Variants in PYROXD2 observed in about 807,000 individuals in gnomAD.
PYROXD2 encodes the protein pyridine nucleotide-disulphide oxidoreductase domain 2, also known as pyridine nucleotide-disulfide oxidoreductase domain-containing protein 2.
Under a neutral mutation model 71.1 loss-of-function variants are expected in PYROXD2, and 69 were observed. The observed-to-expected ratio is 0.97, with a 90% CI of 0.80 to 1.19. The LOEUF is 1.19. Ranked by LOEUF, PYROXD2 falls within the 50% of genes most tolerant of loss-of-function variation. The pLI, the probability that PYROXD2 is intolerant of heterozygous loss-of-function variation, is 0.00. For missense variants in PYROXD2, 745 were observed against 748.9 expected (o/e 0.99, Z 0.06); for synonymous variants, 287 against 302.7 (o/e 0.95, Z 0.54).
At chr10:98,395,029 G>C (rs975962959) in intron 8 of PYROXD2, among the ~76,000 whole-genome samples, 167 bp downstream of exon 8, 1 of 152,120 alleles carries the variant, frequency 6.6e-6, no homozygotes, top group Non-Finnish European at 1.5e-5. Flanking sequence ...CTCAGATGTT[G>C]CTCTGAGGGT....
rs11189593 is a variant in PYROXD2, at chr10:98,398,852, C to T, written c.471+1250G>A. Among the ~76,000 whole-genome samples, 602 of 152,276 alleles carry T rather than the reference C, an allele frequency of 4.0e-3. 2 individuals are homozygous for T. The highest frequency in any genetic ancestry group is 0.014 in the African/African-American group (561 of 41,552). ...GCACTTTTAAAAAAGCTAAGCTCCTCAGGCCGGGTGTGGTGGTTCATGCCT... is the reference window on the plus strand; with the variant it reads ...GCACTTTTAAAAAAGCTAAGCTCCTTAGGCCGGGTGTGGTGGTTCATGCCT... On this transcript the variant is annotated intron_variant, in intron 5 of 15. Coordinates refer to ENST00000370575, the MANE Select transcript of PYROXD2 (RefSeq NM_032709.3).
At chr10:98,405,786 C>G (rs1843578153) in intron 4 of PYROXD2, among the ~76,000 whole-genome samples, 1 of 152,212 alleles carries the variant, frequency 6.6e-6, no homozygotes, top group Non-Finnish European at 1.5e-5. Flanking sequence ...ACCAAGAGGC[C>G]TGAGCGCATC....
chr10:98,398,445 C>T (rs536955218), intron 5 of PYROXD2, among the ~76,000 whole-genome samples: 1 of 152,296 alleles, frequency 6.6e-6, no homozygotes, highest in South Asian at 2.1e-4. Context: ...TAGCCCTGGA[C>T]TTTGAATTTT....
chr10:98,390,304 T>C (rs1264784349), intron 12 of PYROXD2, among the ~76,000 whole-genome samples: 1 of 152,198 alleles, frequency 6.6e-6, no homozygotes, highest in Non-Finnish European at 1.5e-5. Context: ...TCCTTTGCTC[T>C]CCCAGAACAC....
chr10:98,402,547 C>T (rs564519725), intron 4 of PYROXD2, among the ~76,000 whole-genome samples: 14 of 152,292 alleles, frequency 9.2e-5, no homozygotes, highest in African/African-American at 2.4e-4. Flanking sequence ...ATTTGATTAG[C>T]ACACAGAATT....
chr10:98,385,548 G>A (rs766450950), intron 14 of PYROXD2, among the ~76,000 whole-genome samples: 2 of 152,202 alleles, frequency 1.3e-5, no homozygotes, highest in Non-Finnish European at 1.5e-5. Flanking sequence ...GGTGAGACCA[G>A]CCCCAGGCTG....
At position 98,383,833 on chromosome 10, in the gene PYROXD2, C is replaced by T. The variant is rs1842663824; in HGVS notation, c.1711G>A (p.Ala571Thr). Residue 571 changes from alanine (A) to threonine (T), a missense_variant, in exon 16 of 16, where the codon GCA (alanine) becomes ACA (threonine). Physicochemically the swap from Ala to Thr is moderately conservative, Grantham distance 58. Transcript: ENST00000370575. ...TTGAGGTCCCTAAAGGCCACATGTGCTGCATTTCGCCCAGCAGCTCCCATC... is the reference window on the plus strand; with the variant it reads ...TTGAGGTCCCTAAAGGCCACATGTGTTGCATTTCGCCCAGCAGCTCCCATC... ...GVMGAAGRNA[A>T]HVAFRDLKSM The T allele has an allele frequency of 1.2e-6, 2 of 1,614,046 alleles. No homozygotes were observed. The highest frequency in any genetic ancestry group is 2.7e-5 in the African/African-American group (2 of 74,986).
At chr10:98,390,900 C>A (rs1228802101) in intron 11 of PYROXD2, 110 bp downstream of exon 11, 2 of 1,352,478 alleles carry the variant, frequency 1.5e-6, no homozygotes, top group African/African-American at 2.9e-5. Context: ...GGGACACAGG[C>A]TGGAGGTCCG....
chr10:98,389,759 A>T (rs1261973753), intron 12 of PYROXD2, among the ~76,000 whole-genome samples: 2 of 152,132 alleles, frequency 1.3e-5, no homozygotes, highest in Non-Finnish European at 2.9e-5. Flanking sequence ...TTTTCTCCAC[A>T]GTGCTCATCA....
chr10:98,413,672 C>T (rs897952784), intron 1 of PYROXD2, among the ~76,000 whole-genome samples: 2 of 152,100 alleles, frequency 1.3e-5, no homozygotes, highest in African/African-American at 4.8e-5. Context: ...CGAGATTGCG[C>T]CGCTGCACTC....
rs763254974 is a variant in PYROXD2 at position 98,400,115 on chromosome 10, T to C, written c.458A>G (p.Gln153Arg). 5 of 1,613,372 alleles carry C rather than the reference T, an allele frequency of 3.1e-6. No homozygotes were observed. Among genetic ancestry groups the C allele is most frequent in the Admixed American group, 3.3e-5 (2 of 59,960 alleles). The change falls in exon 5 of 16, where the codon CAG becomes CGG. Residue 153 changes from glutamine to arginine, a missense_variant. Transcript: ENST00000370575. Reference protein sequence around the residue: ...ENQKQIAQFSQKDAQVFPKYE... With the variant: ...ENQKQIAQFSRKDAQVFPKYE... ...CGCCTTCCCTACCTGGGCATCCTTC[T>C]GGGAGAACTGGGCGATCTGCTTCTG...
At chr10:98,412,631 G>C (rs757040667) in intron 1 of PYROXD2, among the ~76,000 whole-genome samples, 3 of 152,220 alleles carry the variant, frequency 2.0e-5, no homozygotes, top group Non-Finnish European at 4.4e-5. Context: ...CCAGGTGCCA[G>C]TGTGCCTTCA....
In PYROXD2 at chr10:98,385,512, G is replaced by A. The variant is rs150948189; in HGVS notation, c.1555-445C>T. On this transcript the variant is annotated intron_variant, in intron 14 of 15. Coordinates refer to ENST00000370575, the MANE Select transcript of PYROXD2 (RefSeq NM_032709.3). ...TGGCAGACAAGGGGCAACGGAGCCC[G>A]AGCACGGTTCTGCCCCCCTGGCTTG... 5.9e-5 allele frequency among the ~76,000 whole-genome samples: 9 copies of A among 152,358 alleles called. No individual in the cohort carries two copies. The South Asian group carries it at 1.2e-3, about 21-fold the overall frequency.
intron 6 of PYROXD2, among the ~76,000 whole-genome samples, chr10:98,396,348 G>T (rs1423890496): frequency 2.0e-5 from 3 of 152,208 alleles, no homozygotes; most frequent in African/African-American, 7.2e-5. Flanking sequence ...GAGGACGAGA[G>T]GTACCTGGAG....
chr10:98,385,446 C>T (rs571101180), intron 14 of PYROXD2, among the ~76,000 whole-genome samples: 6 of 152,374 alleles, frequency 3.9e-5, no homozygotes, highest in Admixed American at 2.0e-4. Context: ...TCCACCTGAG[C>T]CCGGACCCCG....
intron 1 of PYROXD2, chr10:98,414,440 G>A (rs1460711990): frequency 6.6e-6 from 1 of 152,252 alleles, no homozygotes; most frequent in Non-Finnish European, 1.5e-5. Context: ...ATGTCCCAGA[G>A]CTGCAAGGCA....
intron 9 of PYROXD2, 135 bp downstream of exon 9, chr10:98,392,807 A>C: frequency 8.6e-7 from 1 of 1,168,994 alleles, no homozygotes; most frequent in East Asian, 2.4e-5. Flanking sequence ...GCATGACCTT[A>C]ATCTCTTGAT....
chr10:98,395,323 T>C, intron 7 of PYROXD2, 30 bp from the exon 8 acceptor site: 5 of 1,613,744 alleles, frequency 3.1e-6, no homozygotes, highest in Non-Finnish European at 4.2e-6. Flanking sequence ...AGAGAAGGGC[T>C]TAGGAGCCTG....
At chr10:98,407,057 A>T (rs1363821968) in intron 4 of PYROXD2, among the ~76,000 whole-genome samples, 4 of 128,798 alleles carry the variant, frequency 3.1e-5, no homozygotes, top group Admixed American at 8.1e-5. Context: ...GGGTGAAGGA[A>T]GGTGAAAGGG....
Sources: allele counts gnomAD v4.1 joint callset (sites outside exome capture counted in the v4.1 genomes callset), GRCh38; gene constraint gnomAD v4.1.1; transcripts MANE v1.5; gene names NCBI Gene and HGNC (gene_info 2026-07-23, HGNC 2026-07-21).